Variants in UBP1 observed in about 807,000 individuals in gnomAD.
The protein encoded by UBP1 is upstream-binding protein 1.
Under a neutral mutation model 76.1 loss-of-function variants are expected in UBP1, and 22 were observed. That is an observed-to-expected ratio of 0.29 (90% CI 0.21 to 0.41). UBP1 has a LOEUF of 0.41. Ranked by LOEUF, UBP1 falls within the 10% of genes least tolerant of loss-of-function variation. The pLI, the probability that UBP1 is intolerant of heterozygous loss-of-function variation, is 1.00. For missense variants in UBP1, 436 were observed against 668.1 expected (o/e 0.65, Z 3.83); for synonymous variants, 224 against 237.1 (o/e 0.94, Z 0.51).
In UBP1 at chr3:33,388,535, G is replaced by A. The variant is rs2043610732; in HGVS notation, c.*1796C>T. On this transcript the variant is annotated 3_prime_UTR_variant, in exon 16 of 16. Coordinates refer to ENST00000283629, the MANE Select transcript of UBP1 (RefSeq NM_014517.5). ...TACCCCGCTTCTAAAACCTGATGAGGAATTCAAAATAAGCACACAGCATTA... is the reference window on the plus strand; with the variant it reads ...TACCCCGCTTCTAAAACCTGATGAGAAATTCAAAATAAGCACACAGCATTA... 2.0e-5 allele frequency: 3 copies of A among 152,682 alleles called. No homozygotes were observed. The South Asian group carries it at 6.2e-4, about 32-fold the overall frequency. The allele number at this position is 152,682 out of a possible 1,614,324, so 9.5% of individuals were successfully genotyped here.
intron 11 of UBP1, 79 bp from the exon 12 acceptor site, chr3:33,397,214 G>T: frequency 9.6e-7 from 1 of 1,037,502 alleles, no homozygotes; most frequent in East Asian, 2.5e-5. Flanking sequence ...TCTTCATGCA[G>T]TCCAATGTCC....
chr3:33,436,085 T>C (rs545465171), intron 1 of UBP1, among the ~76,000 whole-genome samples: 1 of 152,238 alleles, frequency 6.6e-6, no homozygotes, highest in Non-Finnish European at 1.5e-5. Context: ...CTGATCTAAG[T>C]TGAAATTCTG....
chr3:33,424,900 C>T (rs570511182), intron 2 of UBP1, among the ~76,000 whole-genome samples: 18 of 152,246 alleles, frequency 1.2e-4, no homozygotes, highest in African/African-American at 4.1e-4. Flanking sequence ...ACAAAATTAG[C>T]TGGGTGTGAT....
chr3:33,427,261 C>T (rs866494572), intron 1 of UBP1, among the ~76,000 whole-genome samples: 1 of 152,182 alleles, frequency 6.6e-6, no homozygotes. Flanking sequence ...CATCACGCCC[C>T]GCCTCTGTTT....
At chr3:33,403,404 C>A (rs763734595) in intron 8 of UBP1, 2 of 187,590 alleles carry the variant, frequency 1.1e-5, no homozygotes, top group Non-Finnish European at 2.2e-5. Context: ...TTCTCTGATA[C>A]CTCTAAAGGT....
At chr3:33,434,024 A>C (rs1053899875) in intron 1 of UBP1, among the ~76,000 whole-genome samples, 1 of 152,182 alleles carries the variant, frequency 6.6e-6, no homozygotes, top group Non-Finnish European at 1.5e-5. Flanking sequence ...AAACGTTTAA[A>C]TGTGTACTGG....
intron 2 of UBP1, among the ~76,000 whole-genome samples, chr3:33,419,020 C>A (rs1173816503): frequency 6.6e-6 from 1 of 152,252 alleles, no homozygotes; most frequent in East Asian, 1.9e-4. Context: ...CAAATTAAAA[C>A]CACACTGAAA....
rs1008871253 is a variant in UBP1, at chr3:33,434,326, C to T, written c.113+5410G>A. Among the ~76,000 whole-genome samples the T allele has an allele frequency of 1.7e-3, 177 of 106,570 alleles. 2 individuals carry two copies. Among genetic ancestry groups the T allele is most frequent in the African/African-American group, 6.3e-3 (172 of 27,520 alleles). The allele number at this position is 106,570 out of a possible 152,430, so 69.9% of individuals were successfully genotyped here. ...TTTTTTTTTTTTTTTGAGAAAGAGT[C>T]TTGCTCTGTCACCCCAGGCTGGAGT... On this transcript the variant is annotated intron_variant, in intron 1 of 15. Transcript: ENST00000283629.
intron 5 of UBP1, 152 bp from the exon 6 acceptor site, chr3:33,409,753 A>C (rs1192868924): frequency 9.9e-7 from 1 of 1,010,986 alleles, no homozygotes; most frequent in Admixed American, 2.7e-5. Context: ...CTATGAACCT[A>C]ATTGTTTTTA....
chr3:33,392,739 T>A (rs1014045501), intron 14 of UBP1, 125 bp from the exon 15 acceptor site: 4 of 857,478 alleles, frequency 4.7e-6, no homozygotes, highest in Admixed American at 2.6e-5. Context: ...CGATAATTCA[T>A]GAAGGCAGTG....
chr3:33,396,704 A>G, intron 12 of UBP1: 1 of 499,164 alleles, frequency 2.0e-6, no homozygotes, highest in Non-Finnish European at 3.8e-6. Flanking sequence ...CTGTTTAGTA[A>G]TAGTCATGAC....
At chr3:33,401,191 G>C (rs2044215932) in intron 9 of UBP1, among the ~76,000 whole-genome samples, 175 bp from the exon 10 acceptor site, 1 of 152,176 alleles carries the variant, frequency 6.6e-6, no homozygotes, top group South Asian at 2.1e-4. Context: ...GTGTGGACAT[G>C]ATGACGAAAT....
intron 1 of UBP1, among the ~76,000 whole-genome samples, chr3:33,436,203 C>T (rs1210601474): frequency 1.3e-5 from 2 of 152,154 alleles, no homozygotes; most frequent in South Asian, 2.1e-4. Context: ...TATACACTGT[C>T]CAATGTTTAA....
chr3:33,410,073 T>C (rs1355159176), intron 5 of UBP1, among the ~76,000 whole-genome samples: 1 of 152,204 alleles, frequency 6.6e-6, no homozygotes, highest in African/African-American at 2.4e-5. Flanking sequence ...AGATGCCAAT[T>C]TGTGATACTT....
chr3:33,438,071 A>G (rs2045230544), intron 1 of UBP1, among the ~76,000 whole-genome samples: 2 of 152,244 alleles, frequency 1.3e-5, no homozygotes, highest in African/African-American at 4.8e-5. Context: ...ACAGAATTAC[A>G]AAGATCTCAC....
At chr3:33,408,620 G>A in intron 8 of UBP1, 70 bp downstream of exon 8, 1 of 1,281,794 alleles carries the variant, frequency 7.8e-7, no homozygotes, top group Non-Finnish European at 1.1e-6. Flanking sequence ...CTTTGCGGTG[G>A]AAGTTGGTCC....
At chr3:33,393,706 G>A (rs749297227) in intron 13 of UBP1, among the ~76,000 whole-genome samples, 1 of 151,896 alleles carries the variant, frequency 6.6e-6, no homozygotes, top group Admixed American at 6.6e-5. Context: ...AGAAATCCCT[G>A]GACAAAAAGA....
Position 33,440,048 on chromosome 3 carries a change from G to A in UBP1, c.-200C>T. On this transcript the variant is annotated 5_prime_UTR_variant, in exon 1 of 16. Coordinates refer to ENST00000283629, the MANE Select transcript of UBP1 (RefSeq NM_014517.5). ...CGAGCCCAGCGAGCAATTGCAGCGG[G>A]AGCGGCCGGGCCGCCGGCAGCGCCA... 4 of 495,904 alleles carry A rather than the reference G, an allele frequency of 8.1e-6. No individual in the cohort carries two copies. Among genetic ancestry groups the A allele is most frequent in the Admixed American group, 4.4e-5 (1 of 22,686 alleles). 30.7% of individuals were successfully genotyped at this position (495,904 alleles called of 1,614,324 possible). A position where few individuals can be genotyped will look rare whatever the true frequency, so the allele number is the denominator to read the frequency against.
chr3:33,422,986 T>C (rs997396984), intron 2 of UBP1, among the ~76,000 whole-genome samples: 3 of 152,134 alleles, frequency 2.0e-5, no homozygotes, highest in Admixed American at 2.0e-4. Flanking sequence ...AAAGTTATAA[T>C]TTCTTTTAAA....
Sources: allele counts gnomAD v4.1 joint callset (sites outside exome capture counted in the v4.1 genomes callset), GRCh38; gene constraint gnomAD v4.1.1; transcripts MANE v1.5; gene names NCBI Gene and HGNC (gene_info 2026-07-23, HGNC 2026-07-21).